GPR149: variants seen among roughly 807,000 people sequenced by gnomAD.
GPR149 encodes the protein probable G protein-coupled receptor 149.
A neutral mutation model predicts 50.2 loss-of-function variants in GPR149; 50 were observed. That is an observed-to-expected ratio of 1.00 (90% confidence interval 0.79 to 1.26). The LOEUF (loss-of-function observed/expected upper bound fraction) is 1.26, where lower values mean the gene tolerates loss of function less well. Ranked by LOEUF, GPR149 falls within the 50% of genes most tolerant of loss-of-function variation. The probability of loss-of-function intolerance (pLI) is 0.00; values close to 1 mark genes in which losing one functional copy is unlikely to be tolerated. For missense variants in GPR149, 983 were observed against 895.4 expected, an observed-to-expected ratio of 1.10 and a Z score of -1.25; for synonymous variants, 405 against 358.2, an observed-to-expected ratio of 1.13 and a Z score of -1.48.
intron 3 of GPR149, among the ~76,000 whole-genome samples, chr3:154,388,206 T>C (rs1715089185): frequency 6.6e-6 from 1 of 152,184 alleles, no homozygotes; most frequent in Non-Finnish European, 1.5e-5. Context: ...CTTACATTTA[T>C]AGTGCTTTTA....
chr3:154,354,848 G>A (rs776719084), intron 3 of GPR149: 3 of 291,442 alleles, frequency 1.0e-5, no homozygotes, highest in Non-Finnish European at 1.9e-5. Context: ...CTACCTGTGG[G>A]CAGTGACAGC....
At chr3:154,353,076 C>T (rs1239166593) in intron 3 of GPR149, 7 of 1,422,134 alleles carry the variant, frequency 4.9e-6, no homozygotes, top group Non-Finnish European at 7.0e-6. Context: ...TGCAATATCC[C>T]CATGTAAACA....
chr3:154,357,334 G>T (rs560983380), intron 3 of GPR149, among the ~76,000 whole-genome samples: 148 of 152,132 alleles, frequency 9.7e-4, no homozygotes, highest in African/African-American at 3.2e-3. Flanking sequence ...TGACAAATGG[G>T]ATCTAATTAA....
intron 3 of GPR149, among the ~76,000 whole-genome samples, chr3:154,386,638 G>A (rs566739273): frequency 6.6e-6 from 1 of 152,212 alleles, no homozygotes; most frequent in African/African-American, 2.4e-5. Context: ...TCTACTCTTT[G>A]ATTTCACCTA....
At chr3:154,353,136 T>C (rs1714125035) in intron 3 of GPR149, 3 of 1,503,012 alleles carry the variant, frequency 2.0e-6, no homozygotes, top group Non-Finnish European at 2.8e-6. Flanking sequence ...AGTTACATTC[T>C]TCCTGGTCTC....
intron 3 of GPR149, 97 bp from the exon 4 acceptor site, chr3:154,338,368 T>C: frequency 1.0e-6 from 1 of 973,070 alleles, no homozygotes; most frequent in Non-Finnish European, 1.5e-6. Flanking sequence ...AAAGGTTTTC[T>C]ATTTCAGATC....
intron 3 of GPR149, among the ~76,000 whole-genome samples, chr3:154,380,358 G>A (rs896986466): frequency 4.6e-5 from 7 of 152,102 alleles, no homozygotes; most frequent in Non-Finnish European, 7.4e-5. Context: ...ATTGTTTGGT[G>A]TAAAGGTTTC....
chr3:154,420,014 A>G (rs1712091362), intron 3 of GPR149, among the ~76,000 whole-genome samples: 1 of 152,022 alleles, frequency 6.6e-6, no homozygotes, highest in African/African-American at 2.4e-5. Flanking sequence ...ACTCACTTTT[A>G]AAACAATGGT....
intron 3 of GPR149, among the ~76,000 whole-genome samples, chr3:154,413,440 C>T (rs139483007): frequency 2.9e-3 from 443 of 151,880 alleles, no homozygotes; most frequent in African/African-American, 0.01. Context: ...CTACAAAGAA[C>T]TCAAATAGGT....
At chr3:154,369,707 C>A (rs1714618329) in intron 3 of GPR149, among the ~76,000 whole-genome samples, 1 of 152,236 alleles carries the variant, frequency 6.6e-6, no homozygotes, top group Admixed American at 6.5e-5. Flanking sequence ...CAAATAAAGG[C>A]AGATTTAGGG....
At chr3:154,394,021 C>T (rs981450276) in intron 3 of GPR149, among the ~76,000 whole-genome samples, 14 of 151,730 alleles carry the variant, frequency 9.2e-5, no homozygotes, top group African/African-American at 3.1e-4. Flanking sequence ...CAATCCCTAC[C>T]AAAAAACCCA....
intron 3 of GPR149, among the ~76,000 whole-genome samples, chr3:154,418,974 G>T (rs1712063149): frequency 6.6e-6 from 1 of 151,908 alleles, no homozygotes. Flanking sequence ...TGTGGTTTAG[G>T]ATTTCTTCCT....
At chr3:154,411,452 C>T (rs923553950) in intron 3 of GPR149, among the ~76,000 whole-genome samples, 12 of 151,798 alleles carry the variant, frequency 7.9e-5, no homozygotes, top group Non-Finnish European at 1.3e-4. Context: ...AGACCATTAG[C>T]GAGATTTATC....
intron 3 of GPR149, among the ~76,000 whole-genome samples, chr3:154,379,403 TTTATTTATTTACTTTGATGTTAAACTC>T (rs1204439625): frequency 6.6e-6 from 1 of 151,520 alleles, no homozygotes; most frequent in African/African-American, 2.4e-5. Flanking sequence ...AATGTACTTA[TTTATTTATTTACTTTGATGTTAAACTC>T]TTATTTATTT....
chr3:154,367,703 C>T (rs1714562357), intron 3 of GPR149, among the ~76,000 whole-genome samples: 1 of 152,184 alleles, frequency 6.6e-6, no homozygotes. Context: ...AAACTTACAG[C>T]TTTTTTTCTC....
intron 3 of GPR149, among the ~76,000 whole-genome samples, chr3:154,372,892 T>A (rs1714697031): frequency 6.6e-6 from 1 of 152,022 alleles, no homozygotes; most frequent in Non-Finnish European, 1.5e-5. Context: ...AGAAGCAAGT[T>A]TGGGAGGATG....
intron 3 of GPR149, among the ~76,000 whole-genome samples, chr3:154,392,607 T>TAG (rs34895980): frequency 0.96 from 145,153 of 151,524 alleles, 69,623 homozygotes; most frequent in East Asian, 1. Context: ...CTAAATGAAA[T>TAG]AGAATAAAAA....
At chr3:154,411,973 C>T (rs1256593841) in intron 3 of GPR149, among the ~76,000 whole-genome samples, 1 of 151,994 alleles carries the variant, frequency 6.6e-6, no homozygotes, top group Non-Finnish European at 1.5e-5. Context: ...TAACTGAATC[C>T]AACAGCATAT....
chr3:154,405,327 G>A (rs760910093), intron 3 of GPR149, among the ~76,000 whole-genome samples: 1 of 152,016 alleles, frequency 6.6e-6, no homozygotes, highest in African/African-American at 2.4e-5. Context: ...GGTGGCTCAC[G>A]CAGGTAATCC....
Sources: gnomAD v4.1 joint callset for allele counts (sites outside exome capture counted in the v4.1 genomes callset) on GRCh38, gnomAD v4.1.1 for gene constraint, MANE v1.5 for transcripts, NCBI Gene and HGNC (gene_info 2026-07-23, HGNC 2026-07-21) for gene names.